CEP85L: variants seen among roughly 807,000 people sequenced by gnomAD.
CEP85L encodes the protein centrosomal protein of 85 kDa-like.
A neutral mutation model predicts 100.3 loss-of-function variants in CEP85L; 60 were observed. The ratio of observed to expected loss-of-function variants is 0.60; its 90% CI spans 0.49 to 0.74. The LOEUF is 0.74. CEP85L is among the 30% of genes least tolerant of loss of function. The probability of loss-of-function intolerance (pLI) is 0.00; values close to 1 mark genes in which losing one functional copy is unlikely to be tolerated. For synonymous variants in CEP85L, 319 were observed against 322.7 expected, an observed-to-expected ratio of 0.99 and a Z score of 0.12; for missense variants, 973 against 936.2, an observed-to-expected ratio of 1.04 and a Z score of -0.51.
intron 2 of CEP85L, among the ~76,000 whole-genome samples, chr6:118,628,666 AAAC>A: frequency 6.6e-6 from 1 of 151,724 alleles, no homozygotes; most frequent in African/African-American, 2.4e-5. Context: ...ACAAACAAAC[AAAC>A]AAAACACATT....
chr6:118,580,232 G>A (rs549486347), intron 2 of CEP85L, among the ~76,000 whole-genome samples: 3 of 151,970 alleles, frequency 2.0e-5, no homozygotes, highest in East Asian at 1.9e-4. Context: ...AACTCTCTCC[G>A]CTCCTTAAAA....
At chr6:118,512,665 G>C (rs1387037173) in intron 4 of CEP85L, among the ~76,000 whole-genome samples, 2 of 152,008 alleles carry the variant, frequency 1.3e-5, no homozygotes, top group Non-Finnish European at 2.9e-5. Flanking sequence ...ACAGTGCTGA[G>C]GCTGAGAAAC....
chr6:118,515,434 G>A (rs982412762), intron 4 of CEP85L, among the ~76,000 whole-genome samples: 1 of 152,074 alleles, frequency 6.6e-6, no homozygotes, highest in Non-Finnish European at 1.5e-5. Context: ...AAAAGCAGCA[G>A]AATACACACC....
chr6:118,650,754 G>A (rs1775499515), intron 1 of CEP85L, among the ~76,000 whole-genome samples: 1 of 152,142 alleles, frequency 6.6e-6, no homozygotes, highest in African/African-American at 2.4e-5. Flanking sequence ...TCGGGAGGGC[G>A]CGGAACTGCG....
intron 1 of CEP85L, among the ~76,000 whole-genome samples, chr6:118,686,909 C>T (rs1254174823): frequency 6.6e-6 from 1 of 152,146 alleles, no homozygotes. Context: ...TCCCATCATA[C>T]TGAGAATGAA....
At chr6:118,693,036 T>C (rs866236953) in intron 1 of CEP85L, among the ~76,000 whole-genome samples, 9 of 152,212 alleles carry the variant, frequency 5.9e-5, no homozygotes, top group African/African-American at 2.2e-4. Context: ...ATCCAGCTGC[T>C]GAGATGCGGC....
At chr6:118,529,586 C>A (rs998683087) in intron 3 of CEP85L, among the ~76,000 whole-genome samples, 1 of 120,184 alleles carries the variant, frequency 8.3e-6, no homozygotes. Context: ...ACAGCCTGGG[C>A]GACAGAGCGA....
intron 1 of CEP85L, among the ~76,000 whole-genome samples, chr6:118,688,692 A>G (rs771187853): frequency 1.6e-4 from 24 of 152,182 alleles, no homozygotes; most frequent in Non-Finnish European, 3.1e-4. Context: ...CCTCACATCT[A>G]TCTGTTTGAT....
At chr6:118,703,097 C>T (rs1583274676) in intron 1 of CEP85L, among the ~76,000 whole-genome samples, 1 of 151,664 alleles carries the variant, frequency 6.6e-6, no homozygotes, top group East Asian at 1.9e-4. Context: ...GCAGAAGTGA[C>T]GATTTGTGAC....
Position 118,494,708 on chromosome 6 carries a change from C to G in CEP85L, c.1258-2843G>C, listed in dbSNP as rs113108564. On this transcript the variant is annotated intron_variant, in intron 5 of 12. Transcript: ENST00000368491. ...TACTTCCCCTTCCCTGCACACTTTA[C>G]CACTGCATTACTAAAGCTCTATTTA... Among the ~76,000 whole-genome samples the G allele has an allele frequency of 1.4e-4, 21 of 152,282 alleles. 1 individual carries two copies. The highest frequency in any genetic ancestry group is 5.1e-4 in the African/African-American group (21 of 41,542).
chr6:118,590,260 C>T (rs976907910), intron 2 of CEP85L, among the ~76,000 whole-genome samples: 36 of 152,224 alleles, frequency 2.4e-4, no homozygotes, highest in African/African-American at 7.9e-4. Context: ...ACAGATAGGA[C>T]AAGGGGTCCT....
At chr6:118,640,808 C>T (rs377144313) in intron 1 of CEP85L, among the ~76,000 whole-genome samples, 23 of 152,232 alleles carry the variant, frequency 1.5e-4, no homozygotes, top group African/African-American at 5.3e-4. Context: ...GGATTACAGG[C>T]GTGAGCCACT....
At chr6:118,511,106 G>T (rs1469226082) in intron 5 of CEP85L, among the ~76,000 whole-genome samples, 192 bp downstream of exon 5, 1 of 152,172 alleles carries the variant, frequency 6.6e-6, no homozygotes, top group Non-Finnish European at 1.5e-5. Flanking sequence ...TCCTGTATGT[G>T]TGTGGAGAGG....
chr6:118,530,613 G>A (rs1562234463), intron 3 of CEP85L, among the ~76,000 whole-genome samples: 2 of 152,070 alleles, frequency 1.3e-5, no homozygotes, highest in Admixed American at 1.3e-4. Flanking sequence ...TCTATACCTA[G>A]AAAACCCCAT....
At position 118,543,513 on chromosome 6, in the gene CEP85L, C is replaced by G. The variant is rs556438695; in HGVS notation, c.1021-19593G>C. Among the ~76,000 whole-genome samples the G allele has an allele frequency of 2.6e-4, 40 of 152,100 alleles. 1 individual carries two copies. The highest frequency in any genetic ancestry group is 9.4e-4 in the African/African-American group (39 of 41,490). ...TAGACCTATATAATATAAAAAGTCC[C>G]CCACCAACTTCAGATTTATCTGACT... On this transcript the variant is annotated intron_variant, in intron 3 of 12. Coordinates refer to ENST00000368491, the MANE Select transcript of CEP85L (RefSeq NM_001042475.3).
Position 118,481,933 on chromosome 6 carries a change from G to C in CEP85L, c.1591C>G (p.Leu531Val), listed in dbSNP as rs757879972. The change falls in exon 8 of 13, where the codon CTG (leucine) becomes GTG (valine). Residue 531 changes from leucine (L) to valine (V), a missense_variant and splice_region_variant. Leu to Val is a conservative substitution (Grantham distance 32, BLOSUM62 1). Transcript: ENST00000368491. ...LDDVQSQSLQLQILEEKNKNL... is the reference protein window; with the variant it reads ...LDDVQSQSLQVQILEEKNKNL... ...TTATTTTTTTCTTCCAGAATCTGCA[G>C]CTAAGGAGAAATGTTTTACAGTTCA... 3.3e-6 allele frequency: 5 copies of C among 1,525,310 alleles called. No homozygotes were observed. Among genetic ancestry groups the C allele is most frequent in the Non-Finnish European group, 2.6e-6 (3 of 1,134,564 alleles). The allele number at this position is 1,525,310 out of a possible 1,614,324, so 94.5% of individuals were successfully genotyped here.
At chr6:118,666,764 TAA>T (rs55786851) in intron 1 of CEP85L, among the ~76,000 whole-genome samples, 3 of 144,468 alleles carry the variant, frequency 2.1e-5, no homozygotes, top group Non-Finnish European at 1.5e-5. Flanking sequence ...GGGATTAAGT[TAA>T]AAAAAAAAAA....
Position 118,632,610 on chromosome 6 carries a change from G to A in CEP85L, c.75C>T (p.Gly25=). The A allele has an allele frequency of 6.2e-7, 1 of 1,604,976 alleles. No homozygotes were observed. Among genetic ancestry groups the A allele is most frequent in the Non-Finnish European group, 8.5e-7 (1 of 1,177,012 alleles). The change falls in exon 2 of 13, where the codon GGC becomes GGT. Residue 25 remains glycine, a splice_region_variant and synonymous_variant. Transcript: ENST00000368491. The part of the protein sequence containing the change: ...SPGGARSFPA[G]PDYSSAWLPA... ...GTAGCCATGCTGATGAATAATCTGG[G>A]CCTAAAAAGGGAAATATGTAACAGT...
chr6:118,610,051 GATA>G (rs1293639308), intron 2 of CEP85L, among the ~76,000 whole-genome samples: 1 of 142,222 alleles, frequency 7.0e-6, no homozygotes, highest in Non-Finnish European at 1.5e-5. Context: ...CTTAAGCAAT[GATA>G]ATGATGTAAA....
Sources: gnomAD v4.1 joint callset for allele counts (sites outside exome capture counted in the v4.1 genomes callset) on GRCh38, gnomAD v4.1.1 for gene constraint, MANE v1.5 for transcripts, NCBI Gene and HGNC (gene_info 2026-07-23, HGNC 2026-07-21) for gene names.